MCC: variants seen among roughly 807,000 people sequenced by gnomAD.
MCC encodes the protein MCC regulator of Wnt signaling pathway.
A neutral mutation model predicts 116.2 loss-of-function variants in MCC; 90 were observed. The ratio of observed to expected loss-of-function variants is 0.77; its 90% CI spans 0.65 to 0.92. The LOEUF (loss-of-function observed/expected upper bound fraction) is 0.92. Among genes scored for constraint, MCC ranks in the 40% least tolerant of loss-of-function variants. MCC has a pLI of 0.00. For missense variants in MCC, 1,516 were observed against 1,312.2 expected (o/e 1.16, Z -2.40); for synonymous variants, 578 against 510.5 (o/e 1.13, Z -1.78).
chr5:113,252,188 C>T (rs1324194279), intron 3 of MCC, among the ~76,000 whole-genome samples: 1 of 152,110 alleles, frequency 6.6e-6, no homozygotes, highest in Non-Finnish European at 1.5e-5. Flanking sequence ...CATTCCCATC[C>T]CATTATCTTA....
chr5:113,411,700 A>T (rs1027470581), intron 1 of MCC, among the ~76,000 whole-genome samples: 4 of 152,088 alleles, frequency 2.6e-5, no homozygotes, highest in East Asian at 3.9e-4. Context: ...ATAAAAAAAA[A>T]TTTTCTCCCA....
At chr5:113,188,409 CAGTT>C (rs1358480456) in intron 3 of MCC, among the ~76,000 whole-genome samples, 7 of 152,200 alleles carry the variant, frequency 4.6e-5, no homozygotes, top group African/African-American at 1.4e-4. Context: ...GAACAACTCA[CAGTT>C]AGAATTTATT....
intron 1 of MCC, among the ~76,000 whole-genome samples, chr5:113,476,108 A>C (rs1772227572): frequency 6.6e-6 from 1 of 152,256 alleles, no homozygotes; most frequent in African/African-American, 2.4e-5. Context: ...ATAGTTACTA[A>C]AAATGCACGT....
chr5:113,259,120 T>C (rs1477512158), intron 3 of MCC, among the ~76,000 whole-genome samples: 1 of 152,204 alleles, frequency 6.6e-6, no homozygotes, highest in African/African-American at 2.4e-5. Context: ...AAAAAACACA[T>C]AACCCTATTA....
chr5:113,103,168 C>A (rs909833861), intron 7 of MCC, among the ~76,000 whole-genome samples: 1 of 151,882 alleles, frequency 6.6e-6, no homozygotes, highest in East Asian at 1.9e-4. Flanking sequence ...AAACAGAACG[C>A]CTCCAATACT....
At chr5:113,394,220 T>C (rs1427912745) in intron 1 of MCC, among the ~76,000 whole-genome samples, 1 of 152,158 alleles carries the variant, frequency 6.6e-6, no homozygotes, top group Non-Finnish European at 1.5e-5. Context: ...GTTATCCCCA[T>C]ACTCAATTAC....
intron 17 of MCC, among the ~76,000 whole-genome samples, chr5:113,036,088 T>G (rs978937563): frequency 3.6e-5 from 5 of 137,232 alleles, no homozygotes; most frequent in African/African-American, 1.3e-4. Flanking sequence ...CGGTCTGAAG[T>G]GCAGTGGTGC....
At chr5:113,087,180 T>C (rs979279223) in intron 8 of MCC, among the ~76,000 whole-genome samples, 2 of 152,230 alleles carry the variant, frequency 1.3e-5, no homozygotes, top group African/African-American at 4.8e-5. Context: ...GATGTCTCCA[T>C]CCTGCTAACT....
chr5:113,138,163 C>T (rs191750474), intron 5 of MCC, among the ~76,000 whole-genome samples: 227 of 152,078 alleles, frequency 1.5e-3, no homozygotes, highest in African/African-American at 5.1e-3. Flanking sequence ...ACTATAGGCA[C>T]GCACCACCAC....
chr5:113,061,859 T>A (rs1169890555), intron 14 of MCC, among the ~76,000 whole-genome samples: 1 of 152,238 alleles, frequency 6.6e-6, no homozygotes, highest in African/African-American at 2.4e-5. Flanking sequence ...TTTTCTTTAT[T>A]TTCATAAACT....
chr5:113,298,458 TG>T (rs1766766270), intron 3 of MCC, among the ~76,000 whole-genome samples: 1 of 152,090 alleles, frequency 6.6e-6, no homozygotes, highest in Admixed American at 6.5e-5. Flanking sequence ...GAGGAGAAAC[TG>T]GGGGTAGTGA....
At chr5:113,079,908 T>C (rs1287147980) in intron 11 of MCC, among the ~76,000 whole-genome samples, 1 of 152,192 alleles carries the variant, frequency 6.6e-6, no homozygotes, top group Non-Finnish European at 1.5e-5. Flanking sequence ...AATCTACCCA[T>C]CTGACAAAGG....
rs879669366 is a variant in MCC at position 113,121,392 on chromosome 5, TTCCTGCCTACC to T, written c.1027+1281_1027+1291del. Among the ~76,000 whole-genome samples, 30 of 152,284 alleles carry T rather than the reference TTCCTGCCTACC, an allele frequency of 2.0e-4. No homozygotes were observed. The South Asian group carries it at 2.3e-3, about 12-fold the overall frequency. ...GCCTGTAAGACTCTGCATGGCCTAG[TTCCTGCCTACC>T]TCTCCAGTCCCCCTCTCACACCTCT... is the stretch of plus-strand genomic sequence containing the variant. On this transcript the variant is annotated intron_variant, in intron 6 of 18. Transcript: ENST00000408903.
intron 3 of MCC, among the ~76,000 whole-genome samples, chr5:113,297,117 C>G (rs1274537820): frequency 6.6e-6 from 1 of 152,228 alleles, no homozygotes. Context: ...CCACCACAAT[C>G]TGGCAGCAGC....
At chr5:113,335,847 G>C (rs1260139364) in intron 3 of MCC, among the ~76,000 whole-genome samples, 1 of 151,738 alleles carries the variant, frequency 6.6e-6, no homozygotes, top group African/African-American at 2.4e-5. Context: ...AAATCCAGAA[G>C]GAAGAAGTAA....
At chr5:113,405,756 A>G (rs983793011) in intron 1 of MCC, among the ~76,000 whole-genome samples, 1 of 152,074 alleles carries the variant, frequency 6.6e-6, no homozygotes, top group African/African-American at 2.4e-5. Context: ...GCAGTGAGCC[A>G]TGATGGCACC....
At chr5:113,155,851 C>T (rs920013969) in intron 3 of MCC, among the ~76,000 whole-genome samples, 6 of 152,202 alleles carry the variant, frequency 3.9e-5, no homozygotes, top group Non-Finnish European at 7.3e-5. Context: ...CATATTTCTG[C>T]TCAGCGAAAA....
chr5:113,133,089 A>G (rs1758562961), intron 5 of MCC, among the ~76,000 whole-genome samples: 1 of 152,180 alleles, frequency 6.6e-6, no homozygotes, highest in Non-Finnish European at 1.5e-5. Flanking sequence ...ATGTGTAATA[A>G]TCAAGTCAGG....
At chr5:113,067,534 G>C (rs988711804) in intron 13 of MCC, among the ~76,000 whole-genome samples, 2 of 152,230 alleles carry the variant, frequency 1.3e-5, no homozygotes, top group African/African-American at 4.8e-5. Flanking sequence ...CTACTTGGGA[G>C]GCTGAGGCAG....
Sources: allele counts gnomAD v4.1 joint callset (sites outside exome capture counted in the v4.1 genomes callset), GRCh38; gene constraint gnomAD v4.1.1; transcripts MANE v1.5; gene names NCBI Gene and HGNC (gene_info 2026-07-23, HGNC 2026-07-21).